GPHN: variants seen among roughly 807,000 people sequenced by gnomAD.
The protein encoded by GPHN is gephyrin.
A neutral mutation model predicts 95.5 loss-of-function variants in GPHN; 17 were observed. That is an observed-to-expected ratio of 0.18 (90% CI 0.12 to 0.27). The LOEUF is 0.27. Among genes scored for constraint, GPHN ranks in the 10% least tolerant of loss-of-function variants. GPHN has a pLI of 1.00. For synonymous variants in GPHN, 320 were observed against 322.5 expected, an observed-to-expected ratio of 0.99 and a Z score of 0.08; for missense variants, 660 against 978.1, an observed-to-expected ratio of 0.67 and a Z score of 4.34.
the GPHN span, chr14:67,574,361 T>C: frequency 1.3e-6 from 2 of 1,593,932 alleles, no homozygotes; most frequent in Non-Finnish European, 1.7e-6. This position sits in a 1 kb window ranked among gnomAD's most constrained non-coding sequence, Gnocchi z 4.2. Flanking sequence ...CAGCTCTGCT[T>C]CGGGGTGGCA....
intron 1 of GPHN, among the ~76,000 whole-genome samples, chr14:66,650,691 C>T (rs2065000519): frequency 6.6e-6 from 1 of 152,156 alleles, no homozygotes; most frequent in Admixed American, 6.5e-5. Flanking sequence ...GGAGGATATA[C>T]ATGAGGAAAT....
At chr14:67,714,346 C>T in the GPHN span, among the ~76,000 whole-genome samples, 1 of 152,002 alleles carries the variant, frequency 6.6e-6, no homozygotes, top group Non-Finnish European at 1.5e-5. Context: ...GATTATGTTG[C>T]TCTTGGTCTC....
chr14:67,085,615 G>A (rs563936083), intron 11 of GPHN, among the ~76,000 whole-genome samples: 5 of 152,204 alleles, frequency 3.3e-5, no homozygotes, highest in African/African-American at 1.2e-4. Context: ...AGAACTTAGG[G>A]TGTAAAAGTG....
intron 3 of GPHN, among the ~76,000 whole-genome samples, chr14:66,821,908 G>T (rs2061207825): frequency 6.6e-6 from 1 of 152,118 alleles, no homozygotes; most frequent in African/African-American, 2.4e-5. Context: ...ATCCATCCTG[G>T]AAATAGAAAA....
At chr14:67,101,860 A>G (rs906298413) in intron 13 of GPHN, among the ~76,000 whole-genome samples, 2 of 149,694 alleles carry the variant, frequency 1.3e-5, no homozygotes. Flanking sequence ...TTATTTATTT[A>G]TTTATTTATT....
the GPHN span, among the ~76,000 whole-genome samples, chr14:67,407,372 C>A: frequency 6.6e-6 from 1 of 151,870 alleles, no homozygotes; most frequent in African/African-American, 2.4e-5. Flanking sequence ...CTGCCCACCT[C>A]GGCCTCCTAA....
At chr14:66,648,084 T>G (rs189673721) in intron 1 of GPHN, among the ~76,000 whole-genome samples, 2 of 152,188 alleles carry the variant, frequency 1.3e-5, no homozygotes, top group African/African-American at 2.4e-5. Context: ...ATGATTGGAA[T>G]TGGAAATGAC....
the GPHN span, chr14:67,204,467 A>T: frequency 1.4e-6 from 2 of 1,463,778 alleles, no homozygotes; most frequent in Non-Finnish European, 1.8e-6. Flanking sequence ...ATATATATAT[A>T]TATAAGAAAG....
At chr14:67,306,974 A>G in the GPHN span, among the ~76,000 whole-genome samples, 6 of 152,218 alleles carry the variant, frequency 3.9e-5, no homozygotes, top group Non-Finnish European at 7.3e-5. Flanking sequence ...AATGTGTTTA[A>G]GACAGATATA....
chr14:67,433,635 A>G, the GPHN span, among the ~76,000 whole-genome samples: 1 of 152,184 alleles, frequency 6.6e-6, no homozygotes, highest in Non-Finnish European at 1.5e-5. Context: ...ATATCAAAAA[A>G]ATTTTTGTGG....
At chr14:67,172,547 C>T (rs1346412566) in intron 21 of GPHN, among the ~76,000 whole-genome samples, 1 of 152,090 alleles carries the variant, frequency 6.6e-6, no homozygotes, top group Non-Finnish European at 1.5e-5. Flanking sequence ...GGTGCCCTGG[C>T]TGAACTGAGC....
At chr14:67,361,785 G>A in the GPHN span, among the ~76,000 whole-genome samples, 28 of 152,340 alleles carry the variant, frequency 1.8e-4, no homozygotes, top group East Asian at 5.0e-3. Flanking sequence ...TTGAGGTTCT[G>A]TGGGTTAAAG....
intron 20 of GPHN, among the ~76,000 whole-genome samples, chr14:67,168,374 C>T (rs1429188729): frequency 6.6e-6 from 1 of 152,144 alleles, no homozygotes; most frequent in Non-Finnish European, 1.5e-5. Context: ...GGAGTTATAG[C>T]TTTATCATAT....
At chr14:67,147,821 A>T (rs551369295) in intron 18 of GPHN, among the ~76,000 whole-genome samples, 7 of 152,338 alleles carry the variant, frequency 4.6e-5, no homozygotes, top group Admixed American at 4.6e-4. Flanking sequence ...GTTTACCTAT[A>T]AGAACCTAAC....
the GPHN span, among the ~76,000 whole-genome samples, chr14:67,414,785 C>T: frequency 6.6e-6 from 1 of 152,218 alleles, no homozygotes; most frequent in African/African-American, 2.4e-5. Flanking sequence ...CAATAAATGC[C>T]TGGACTTCTT....
the GPHN span, chr14:67,691,230 G>A: frequency 3.1e-6 from 5 of 1,613,632 alleles, no homozygotes; most frequent in Non-Finnish European, 4.2e-6. Context: ...ATCAAAACGT[G>A]GAGGTGCTTT....
chr14:67,714,128 T>G, the GPHN span, among the ~76,000 whole-genome samples: 39 of 152,196 alleles, frequency 2.6e-4, no homozygotes, highest in Non-Finnish European at 2.9e-5. Flanking sequence ...ACTTTTTTCT[T>G]GTAATTAACT....
intron 1 of GPHN, among the ~76,000 whole-genome samples, chr14:66,524,727 T>G (rs1347194100): frequency 3.3e-5 from 5 of 152,130 alleles, no homozygotes; most frequent in African/African-American, 1.2e-4. Context: ...AACTCCCACT[T>G]ATGAGTGAGA....
At chr14:67,641,540 T>A in the GPHN span, among the ~76,000 whole-genome samples, 4 of 152,198 alleles carry the variant, frequency 2.6e-5, no homozygotes. Flanking sequence ...AAATAAGAAT[T>A]TATGTTAAGC....
Sources: allele counts gnomAD v4.1 joint callset (sites outside exome capture counted in the v4.1 genomes callset), GRCh38; gene constraint gnomAD v4.1.1; non-coding constraint Gnocchi (gnomAD v3.1); transcripts MANE v1.5; gene names NCBI Gene and HGNC (gene_info 2026-07-23, HGNC 2026-07-21).